The following RSRC1 variants were observed in gnomAD, a reference collection of about 807,000 sequenced individuals.
The protein encoded by RSRC1 is arginine and serine rich coiled-coil 1.
In RSRC1, 39 loss-of-function variants were observed where a neutral mutation model predicts 49.1. The observed-to-expected ratio is 0.79, with a 90% CI of 0.61 to 1.04. RSRC1 has a LOEUF of 1.04. RSRC1 is among the 50% of genes least tolerant of loss of function. The pLI, the probability that RSRC1 is intolerant of heterozygous loss-of-function variation, is 0.00. For missense variants in RSRC1, 388 were observed against 402.4 expected (o/e 0.96, Z 0.31); for synonymous variants, 143 against 130.8 (o/e 1.09, Z -0.63).
intron 5 of RSRC1, among the ~76,000 whole-genome samples, chr3:158,323,842 C>T (rs1465880665): frequency 1.3e-5 from 2 of 152,122 alleles, no homozygotes; most frequent in Admixed American, 6.5e-5. Context: ...TCCTTATCTC[C>T]TCTTGTTACC....
chr3:158,357,882 A>G (rs1464388341), intron 6 of RSRC1, among the ~76,000 whole-genome samples: 1 of 152,216 alleles, frequency 6.6e-6, no homozygotes, highest in Non-Finnish European at 1.5e-5. Context: ...TAGCCTTACA[A>G]GCAGCATAAC....
intron 7 of RSRC1, among the ~76,000 whole-genome samples, chr3:158,531,989 AG>A (rs1284273487): frequency 6.9e-6 from 1 of 145,140 alleles, no homozygotes; most frequent in Non-Finnish European, 1.5e-5. Context: ...TACATTTCAA[AG>A]TTTTTTATTA....
chr3:158,471,445 C>T (rs547026231), intron 7 of RSRC1, among the ~76,000 whole-genome samples: 1 of 152,162 alleles, frequency 6.6e-6, no homozygotes, highest in South Asian at 2.1e-4. Flanking sequence ...GTTATTATAG[C>T]AAAAGCAACA....
At chr3:158,483,996 G>T (rs970481415) in intron 7 of RSRC1, among the ~76,000 whole-genome samples, 1 of 152,074 alleles carries the variant, frequency 6.6e-6, no homozygotes, top group Non-Finnish European at 1.5e-5. Context: ...CTGTGCGGAC[G>T]CTAAGCTTCG....
intron 5 of RSRC1, among the ~76,000 whole-genome samples, chr3:158,326,773 T>C (rs1187897657): frequency 1.3e-5 from 2 of 152,216 alleles, no homozygotes; most frequent in African/African-American, 2.4e-5. Context: ...TCCCTCTTTT[T>C]CTATTGATTG....
chr3:158,500,033 T>C (rs6770005), intron 7 of RSRC1, among the ~76,000 whole-genome samples: 30,420 of 152,118 alleles, frequency 0.2, 3,704 homozygotes, highest in African/African-American at 0.34. Flanking sequence ...CATTGAGGTA[T>C]GTCCCTTGTA....
intron 3 of RSRC1, among the ~76,000 whole-genome samples, chr3:158,166,331 A>C (rs528130468): frequency 2.0e-4 from 30 of 152,286 alleles, no homozygotes; most frequent in African/African-American, 7.2e-4. Flanking sequence ...GTGACATCCC[A>C]TTAGCTAAGC....
At chr3:158,337,219 A>G (rs1337384370) in intron 5 of RSRC1, among the ~76,000 whole-genome samples, 1 of 152,216 alleles carries the variant, frequency 6.6e-6, no homozygotes, top group African/African-American at 2.4e-5. Flanking sequence ...CTCATTCCAC[A>G]TCCTCATTCC....
At chr3:158,278,089 A>C (rs907310762) in intron 4 of RSRC1, among the ~76,000 whole-genome samples, 2 of 152,214 alleles carry the variant, frequency 1.3e-5, no homozygotes, top group Non-Finnish European at 1.5e-5. Flanking sequence ...ACCACTGTTA[A>C]GCCATCAAAC....
intron 5 of RSRC1, among the ~76,000 whole-genome samples, chr3:158,314,753 G>A (rs1028508112): frequency 1.3e-5 from 2 of 152,150 alleles, no homozygotes; most frequent in Non-Finnish European, 2.9e-5. Flanking sequence ...ATACAGGATG[G>A]TAACAATATA....
chr3:158,310,495 C>T (rs750703795), intron 5 of RSRC1, among the ~76,000 whole-genome samples: 7 of 151,748 alleles, frequency 4.6e-5, no homozygotes, highest in South Asian at 2.1e-4. Context: ...TTCGCAGGAA[C>T]GAATACAAAT....
At chr3:158,445,362 G>A (rs1052621165) in intron 6 of RSRC1, among the ~76,000 whole-genome samples, 5 of 152,096 alleles carry the variant, frequency 3.3e-5, no homozygotes, top group Non-Finnish European at 7.4e-5. Context: ...TAGGGACATG[G>A]ATGAAGCTGG....
intron 4 of RSRC1, among the ~76,000 whole-genome samples, chr3:158,296,396 G>A (rs1249464638): frequency 6.6e-6 from 1 of 151,818 alleles, no homozygotes; most frequent in African/African-American, 2.4e-5. Flanking sequence ...TGAGAACTGG[G>A]AGTCAGTGAT....
At chr3:158,340,729 G>A (rs910466504) in intron 5 of RSRC1, among the ~76,000 whole-genome samples, 1 of 152,156 alleles carries the variant, frequency 6.6e-6, no homozygotes, top group African/African-American at 2.4e-5. Flanking sequence ...ATAGAATGGG[G>A]TGTTGCTGAA....
chr3:158,341,013 T>A (rs983308836), intron 5 of RSRC1, among the ~76,000 whole-genome samples: 3 of 152,064 alleles, frequency 2.0e-5, no homozygotes, highest in South Asian at 2.1e-4. Flanking sequence ...CCCTAGAGAT[T>A]TGTGGATGAT....
intron 7 of RSRC1, among the ~76,000 whole-genome samples, chr3:158,495,578 G>T (rs549293365): frequency 1.8e-4 from 27 of 152,246 alleles, no homozygotes; most frequent in African/African-American, 6.5e-4. Flanking sequence ...GAGCAACCAT[G>T]CCCGGCCTCC....
chr3:158,182,324 TGTAA>T (rs1279372109), intron 3 of RSRC1, among the ~76,000 whole-genome samples: 3 of 152,202 alleles, frequency 2.0e-5, no homozygotes, highest in Non-Finnish European at 4.4e-5. Context: ...ATGTGAAACA[TGTAA>T]GTGACATTTA....
At chr3:158,325,783 G>C (rs899473180) in intron 5 of RSRC1, among the ~76,000 whole-genome samples, 1 of 152,206 alleles carries the variant, frequency 6.6e-6, no homozygotes, top group African/African-American at 2.4e-5. Context: ...TTGGTAGCTT[G>C]ATGGGGATAG....
intron 3 of RSRC1, among the ~76,000 whole-genome samples, chr3:158,151,954 T>C (rs918290173): frequency 1.3e-5 from 2 of 152,210 alleles, no homozygotes; most frequent in Non-Finnish European, 2.9e-5. Context: ...TGTTAGGTTC[T>C]TTTTAAGTGT....
Sources: gnomAD v4.1 joint callset for allele counts (sites outside exome capture counted in the v4.1 genomes callset) on GRCh38, gnomAD v4.1.1 for gene constraint, MANE v1.5 for transcripts, NCBI Gene and HGNC (gene_info 2026-07-23, HGNC 2026-07-21) for gene names.